The following CEP128 variants were observed in gnomAD, a reference collection of about 807,000 sequenced individuals.
The protein encoded by CEP128 is centrosomal protein 128kDa.
A neutral mutation model predicts 156.7 loss-of-function variants in CEP128; 132 were observed. The ratio of observed to expected loss-of-function variants is 0.84; its 90% CI spans 0.73 to 0.97. CEP128 has a LOEUF of 0.97. Among genes scored for constraint, CEP128 ranks in the 50% least tolerant of loss-of-function variants. The probability of loss-of-function intolerance (pLI) is 0.00; values close to 1 mark genes in which losing one functional copy is unlikely to be tolerated. For synonymous variants in CEP128, 469 were observed against 448.9 expected, an observed-to-expected ratio of 1.04 and a Z score of -0.57; for missense variants, 1,252 against 1,281.9, an observed-to-expected ratio of 0.98 and a Z score of 0.36.
At chr14:80,700,003 G>C (rs1232205266) in intron 19 of CEP128, among the ~76,000 whole-genome samples, 2 of 152,154 alleles carry the variant, frequency 1.3e-5, no homozygotes, top group Non-Finnish European at 2.9e-5. Context: ...GTGCTTCTAA[G>C]AACACGGAGG....
chr14:80,563,731 T>G (rs537898665), intron 20 of CEP128, among the ~76,000 whole-genome samples: 87 of 151,990 alleles, frequency 5.7e-4, no homozygotes, highest in African/African-American at 2.1e-3. Context: ...GAGACAGGGT[T>G]TCACTGTGTT....
intron 18 of CEP128, among the ~76,000 whole-genome samples, chr14:80,747,127 C>A (rs1899142804): frequency 6.6e-6 from 1 of 152,132 alleles, no homozygotes; most frequent in Non-Finnish European, 1.5e-5. Flanking sequence ...TGACATACTG[C>A]CAGTGCGAAT....
intron 9 of CEP128, among the ~76,000 whole-genome samples, chr14:80,842,875 T>C (rs1315314497): frequency 6.6e-6 from 1 of 151,944 alleles, no homozygotes; most frequent in Non-Finnish European, 1.5e-5. Context: ...CTTTTACACG[T>C]TGAAGATCAC....
Position 80,743,193 on chromosome 14 carries a change from C to A in CEP128, c.2688G>T (p.Met896Ile). The change falls in exon 19 of 25, where the codon ATG becomes ATT. Residue 896 changes from methionine (M) to isoleucine (I), a missense_variant. Coordinates refer to ENST00000555265, the MANE Select transcript of CEP128 (RefSeq NM_152446.5). The stretch of plus-strand genomic sequence containing the variant: ...AATTCCTGAGTTGTTGTCTGCAGAG[C>A]ATCAGCTGGTGTCGCAGATTTTTCT... ...NREKNLRHQL[M>I]LCRQQLRNLT... 6.2e-7 allele frequency: 1 copy of A among 1,613,748 alleles called. No homozygotes were observed. Among genetic ancestry groups the A allele is most frequent in the Non-Finnish European group, 8.5e-7 (1 of 1,179,838 alleles).
chr14:80,673,271 A>G (rs1434728729), intron 19 of CEP128, among the ~76,000 whole-genome samples: 2 of 152,186 alleles, frequency 1.3e-5, no homozygotes, highest in East Asian at 3.8e-4. Context: ...AAGCCACAGT[A>G]TTTATTAAAA....
rs188586141 is a variant in CEP128 at position 80,585,470 on chromosome 14, T to C, written c.2807-5047A>G. Among the ~76,000 whole-genome samples the C allele has an allele frequency of 1.4e-3, 215 of 152,336 alleles. 6 individuals carry two copies. The highest frequency in any genetic ancestry group is 1.7e-3 in the Non-Finnish European group (114 of 68,026). On this transcript the variant is annotated intron_variant, in intron 19 of 24. Transcript: ENST00000555265. ...ACCCATCTAGTAACTTGAACCTTCCTAGGGAGACTGAAGATCAAATTGAGA... is the reference window on the plus strand; with the variant it reads ...ACCCATCTAGTAACTTGAACCTTCCCAGGGAGACTGAAGATCAAATTGAGA...
intron 13 of CEP128, among the ~76,000 whole-genome samples, chr14:80,827,633 G>C (rs1312148493): frequency 1.3e-5 from 2 of 152,210 alleles, no homozygotes; most frequent in African/African-American, 4.8e-5. Context: ...TAAGGACTCT[G>C]TAAAAAGGGA....
At chr14:80,697,211 T>A (rs1896921411) in intron 19 of CEP128, among the ~76,000 whole-genome samples, 1 of 152,116 alleles carries the variant, frequency 6.6e-6, no homozygotes, top group Non-Finnish European at 1.5e-5. Flanking sequence ...TATAAATCAA[T>A]TTGGCCTCTC....
At chr14:80,751,052 G>A (rs926892752) in intron 18 of CEP128, among the ~76,000 whole-genome samples, 2 of 152,284 alleles carry the variant, frequency 1.3e-5, no homozygotes. Context: ...GGCCATCTAT[G>A]AGCCAGGAAG....
intron 8 of CEP128, among the ~76,000 whole-genome samples, chr14:80,879,996 ACTTTGAAAC>A (rs1275022968): frequency 1.3e-5 from 2 of 152,246 alleles, no homozygotes; most frequent in Non-Finnish European, 2.9e-5. Flanking sequence ...AAGGATTATC[ACTTTGAAAC>A]CTAAGCCAGA....
intron 19 of CEP128, among the ~76,000 whole-genome samples, chr14:80,637,316 T>C (rs1174692677): frequency 6.6e-6 from 1 of 152,090 alleles, no homozygotes; most frequent in Non-Finnish European, 1.5e-5. Context: ...CAATTTGTCC[T>C]GGATTACCGA....
At chr14:80,484,794 A>C (rs1243025612) in intron 14 of CEP128, among the ~76,000 whole-genome samples, 3 of 152,238 alleles carry the variant, frequency 2.0e-5, no homozygotes, top group East Asian at 1.9e-4. Flanking sequence ...CAAGAAGAGA[A>C]ATAGACACTG....
intron 16 of CEP128, among the ~76,000 whole-genome samples, chr14:80,775,039 T>C (rs1595379823): frequency 6.6e-6 from 1 of 152,182 alleles, no homozygotes; most frequent in Non-Finnish European, 1.5e-5. Flanking sequence ...ACTGCTTGGT[T>C]GAACCAGTAG....
intron 9 of CEP128, among the ~76,000 whole-genome samples, chr14:80,851,097 A>C (rs1886866550): frequency 6.6e-6 from 1 of 152,176 alleles, no homozygotes; most frequent in Non-Finnish European, 1.5e-5. Flanking sequence ...AGAATGTTAT[A>C]TGCAGCTGAA....
Position 80,785,012 on chromosome 14 carries a change from T to C in CEP128, c.2094A>G (p.Lys698=). ...LERDVHQREL[K]DLTSSLQSVK... is the part of the protein sequence containing the mutation. ...CACTCTGCAATGATGATGTGAGATCTTTCAGCTCCCTCTGGTGCACATCTC... is the reference window on the plus strand; with the variant it reads ...CACTCTGCAATGATGATGTGAGATCCTTCAGCTCCCTCTGGTGCACATCTC... The change falls in exon 15 of 25, where the codon AAA becomes AAG. Residue 698 remains lysine, a synonymous_variant. Coordinates refer to ENST00000555265, the MANE Select transcript of CEP128 (RefSeq NM_152446.5). 6.2e-7 allele frequency: 1 copy of C among 1,614,204 alleles called. No homozygotes were observed.
rs11159474 is a variant in CEP128, at chr14:80,794,180, C to T, written c.1210-1070G>A. Among the ~76,000 whole-genome samples the T allele has an allele frequency of 0.011, 1,746 of 152,168 alleles. 86 individuals carry two copies. In the East Asian group the frequency reaches 0.14, roughly 12 times the overall value. On this transcript the variant is annotated intron_variant, in intron 13 of 24. Coordinates refer to ENST00000555265, the MANE Select transcript of CEP128 (RefSeq NM_152446.5). Reference sequence around the variant, plus strand: ...ATAACATCTCCACTGTACTAAGGTCCGGACAAATGAAACTAGAAACATTTA... The same window carrying T: ...ATAACATCTCCACTGTACTAAGGTCTGGACAAATGAAACTAGAAACATTTA...
intron 13 of CEP128, among the ~76,000 whole-genome samples, chr14:80,821,552 T>C (rs1885170924): frequency 1.3e-5 from 2 of 151,366 alleles, no homozygotes; most frequent in Non-Finnish European, 2.9e-5. Flanking sequence ...TTATCAATAC[T>C]TCATATTTTC....
At position 80,514,998 on chromosome 14, in the gene CEP128, T is replaced by G. The variant is rs74992544; in HGVS notation, c.3073-9978A>C. ...CTTGCAGACTCATAGAGGTATTGCG[T>G]GGCGGTCTTGAATAAGATCCATGAG... On this transcript the variant is annotated intron_variant, in intron 23 of 24. Transcript: ENST00000555265. Among the ~76,000 whole-genome samples the G allele has an allele frequency of 1.2e-4, 18 of 152,348 alleles. No homozygotes were observed. In the East Asian group the frequency reaches 3.5e-3, roughly 29 times the overall value.
At chr14:80,914,233 T>C (rs1039512966) in intron 4 of CEP128, 89 bp downstream of exon 4, 1 of 893,878 alleles carries the variant, frequency 1.1e-6, no homozygotes, top group African/African-American at 1.7e-5. Context: ...CACAATGGTT[T>C]TTTCCTTTAG....
Sources: allele counts gnomAD v4.1 joint callset (sites outside exome capture counted in the v4.1 genomes callset), GRCh38; gene constraint gnomAD v4.1.1; transcripts MANE v1.5; gene names NCBI Gene and HGNC (gene_info 2026-07-23, HGNC 2026-07-21).